The following HSD17B14 variants were observed in gnomAD, a reference collection of about 807,000 sequenced individuals.
The protein encoded by HSD17B14 is L-fucose dehydrogenase.
Under a neutral mutation model 32.2 loss-of-function variants are expected in HSD17B14, and 32 were observed. The ratio of observed to expected loss-of-function variants is 0.99; its 90% confidence interval spans 0.75 to 1.33. The LOEUF (loss-of-function observed/expected upper bound fraction) is 1.33, where lower values mean the gene tolerates loss of function less well. HSD17B14 is among the 40% of genes most tolerant of loss of function. The probability of loss-of-function intolerance (pLI) is 0.00; values close to 1 mark genes in which losing one functional copy is unlikely to be tolerated. For missense variants in HSD17B14, 370 were observed against 366.5 expected (o/e 1.01, Z -0.08); for synonymous variants, 140 against 155.4 (o/e 0.90, Z 0.74).
chr19:48,822,681 A>G (rs2035180465), intron 5 of HSD17B14, among the ~76,000 whole-genome samples: 1 of 151,152 alleles, frequency 6.6e-6, no homozygotes, highest in Non-Finnish European at 1.5e-5. Flanking sequence ...GATGGTGGTG[A>G]TGATGGTGGC....
chr19:48,818,297 A>G (rs2035089367), intron 5 of HSD17B14, among the ~76,000 whole-genome samples: 1 of 146,534 alleles, frequency 6.8e-6, no homozygotes, highest in African/African-American at 2.5e-5. Flanking sequence ...GGCAGCAGAT[A>G]AAGACTGTCT....
intron 5 of HSD17B14, among the ~76,000 whole-genome samples, chr19:48,826,021 C>T (rs1378874273): frequency 1.3e-5 from 2 of 151,684 alleles, no homozygotes; most frequent in East Asian, 2.0e-4. Flanking sequence ...GGGGTTTCAC[C>T]GTGTTAGCCA....
At position 48,813,234 on chromosome 19, in the gene HSD17B14, C is replaced by G. The variant is rs373824904; in HGVS notation, c.754G>C (p.Gly252Arg). Reference protein sequence around the residue: ...ELLVTGGAELGYGCKASRSTP... With the variant: ...ELLVTGGAELRYGCKASRSTP... Reference sequence around the variant, plus strand: ...CTCCGACTGGCCTTGCACCCGTACCCCAGCTCTGCACCCCCCGTCACGAGC... The same window carrying G: ...CTCCGACTGGCCTTGCACCCGTACCGCAGCTCTGCACCCCCCGTCACGAGC... Residue 252 changes from glycine to arginine, a missense_variant, in exon 9 of 9, where the codon GGG becomes CGG. Gly to Arg is a moderately radical substitution (Grantham distance 125). Coordinates refer to ENST00000263278, the MANE Select transcript of HSD17B14 (RefSeq NM_016246.3). 8.7e-6 allele frequency: 14 copies of G among 1,611,080 alleles called. No individual in the cohort carries two copies. Among genetic ancestry groups the G allele is most frequent in the Non-Finnish European group, 1.0e-5 (12 of 1,178,982 alleles).
intron 5 of HSD17B14, among the ~76,000 whole-genome samples, chr19:48,825,618 G>C (rs7256714): frequency 0.27 from 40,369 of 151,634 alleles, 5,596 homozygotes; most frequent in Admixed American, 0.36. Context: ...AGTTTCATGG[G>C]TATTTAATCT....
At chr19:48,819,146 G>A (rs148541906) in intron 5 of HSD17B14, among the ~76,000 whole-genome samples, 2,617 of 152,100 alleles carry the variant, frequency 0.017, 72 homozygotes, top group African/African-American at 0.059. Flanking sequence ...CTACCACCAC[G>A]CCTGGCTAAT....
intron 1 of HSD17B14, 148 bp from the exon 2 acceptor site, chr19:48,835,991 G>T: frequency 1.4e-6 from 1 of 702,074 alleles, no homozygotes; most frequent in Non-Finnish European, 2.4e-6. Flanking sequence ...CAGACGCCTT[G>T]ACACATACTC....
intron 6 of HSD17B14, among the ~76,000 whole-genome samples, 175 bp from the exon 7 acceptor site, chr19:48,813,905 T>C (rs1175849373): frequency 1.3e-5 from 2 of 152,104 alleles, no homozygotes; most frequent in African/African-American, 4.8e-5. Context: ...TAGAAATCTG[T>C]CACAGGAAGG....
chr19:48,830,032 G>A (rs760396171), intron 5 of HSD17B14, among the ~76,000 whole-genome samples: 34 of 151,914 alleles, frequency 2.2e-4, no homozygotes, highest in African/African-American at 3.1e-4. Flanking sequence ...GCAGTTGCAC[G>A]ATCTCAGCTC....
chr19:48,814,119 C>A (rs750413465), intron 6 of HSD17B14, among the ~76,000 whole-genome samples: 16 of 151,844 alleles, frequency 1.1e-4, no homozygotes, highest in Non-Finnish European at 1.6e-4. Flanking sequence ...CGCTTGAACC[C>A]ATGAGGCAGG....
chr19:48,815,038 TTGG>T lies in HSD17B14; in HGVS notation c.470_472del (p.Thr157del). The T allele has an allele frequency of 1.2e-6, 2 of 1,612,414 alleles. No individual in the cohort carries two copies. Among genetic ancestry groups the T allele is most frequent in the Non-Finnish European group, 1.7e-6 (2 of 1,178,730 alleles). On this transcript the variant is annotated inframe_deletion and splice_region_variant, in exon 6 of 9. Coordinates refer to ENST00000263278, the MANE Select transcript of HSD17B14 (RefSeq NM_016246.3). ...AGGAAGGGGTAGGGGCTGCCATACC[TTGG>T]TGGCCACATAGGGAACTGCCTGGGC...
chr19:48,832,792 C>T (rs1367356102), intron 3 of HSD17B14, 60 bp from the exon 4 acceptor site: 3 of 1,423,518 alleles, frequency 2.1e-6, no homozygotes, highest in South Asian at 1.2e-5. Context: ...TCCCTCTTGT[C>T]ACTCAGGCTG....
intron 5 of HSD17B14, among the ~76,000 whole-genome samples, chr19:48,825,756 A>C (rs2035232669): frequency 6.6e-6 from 1 of 152,116 alleles, no homozygotes; most frequent in African/African-American, 2.4e-5. Context: ...GAATTTAGGC[A>C]AACAAGCCAC....
intron 2 of HSD17B14, among the ~76,000 whole-genome samples, chr19:48,835,560 C>T (rs1468263221): frequency 2.1e-5 from 3 of 140,618 alleles, no homozygotes; most frequent in Non-Finnish European, 3.1e-5. Flanking sequence ...GGTGCCGGAG[C>T]CTGGACTTCT....
intron 6 of HSD17B14, among the ~76,000 whole-genome samples, chr19:48,814,533 AAAG>A (rs1048847441): frequency 8.9e-6 from 1 of 112,178 alleles, no homozygotes; most frequent in Non-Finnish European, 2.4e-5. Flanking sequence ...AAAAAAAAAG[AAAG>A]AAAGAAAAGA....
intron 5 of HSD17B14, among the ~76,000 whole-genome samples, chr19:48,830,959 C>T (rs1254239485): frequency 6.6e-6 from 1 of 152,048 alleles, no homozygotes; most frequent in African/African-American, 2.4e-5. Flanking sequence ...CCACCTCAGC[C>T]ACCTGAGTAG....
intron 4 of HSD17B14, 42 bp downstream of exon 4, chr19:48,832,624 G>A: frequency 6.4e-7 from 1 of 1,553,122 alleles, no homozygotes; most frequent in Non-Finnish European, 8.9e-7. Flanking sequence ...ACAGAGTTGG[G>A]GGGCAGGAGG....
chr19:48,817,652 G>A (rs2122745984), intron 5 of HSD17B14, among the ~76,000 whole-genome samples: 1 of 152,214 alleles, frequency 6.6e-6, no homozygotes, highest in South Asian at 2.1e-4. Context: ...ATGAGGGATG[G>A]TCAAGATTTC....
intron 3 of HSD17B14, among the ~76,000 whole-genome samples, chr19:48,833,534 C>A (rs1467126965): frequency 1.3e-5 from 2 of 149,652 alleles, no homozygotes; most frequent in South Asian, 2.1e-4. Flanking sequence ...TCTACTAAAA[C>A]TACAAAAATT....
intron 3 of HSD17B14, 28 bp from the exon 4 acceptor site, chr19:48,832,760 T>G: frequency 6.3e-7 from 1 of 1,586,514 alleles, no homozygotes; most frequent in African/African-American, 1.3e-5. Context: ...GTCCTTTGTT[T>G]TTTTTTTTTG....
Sources: gnomAD v4.1 joint callset for allele counts (sites outside exome capture counted in the v4.1 genomes callset) on GRCh38, gnomAD v4.1.1 for gene constraint, MANE v1.5 for transcripts, NCBI Gene and HGNC (gene_info 2026-07-23, HGNC 2026-07-21) for gene names.